IFT122: variants seen among roughly 807,000 people sequenced by gnomAD.
The protein encoded by IFT122 is intraflagellar transport 122, also known as intraflagellar transport protein 122 homolog.
IFT122 carries 118 observed loss-of-function variants against 161.6 expected under a neutral mutation model. That is an observed-to-expected ratio of 0.73 (90% CI 0.63 to 0.85). The LOEUF is 0.85. Ranked by LOEUF, IFT122 falls within the 40% of genes least tolerant of loss-of-function variation. The pLI, the probability that IFT122 is intolerant of heterozygous loss-of-function variation, is 0.00. For missense variants in IFT122, 1,381 were observed against 1,579.6 expected (o/e 0.87, Z 2.13); for synonymous variants, 550 against 602.4 (o/e 0.91, Z 1.27).
intron 3 of IFT122, chr3:129,456,138 G>T: frequency 1.5e-6 from 1 of 659,070 alleles, no homozygotes; most frequent in Non-Finnish European, 2.4e-6. Context: ...TCAGTAGCTT[G>T]TTTGGGTCAT....
At chr3:129,443,408 A>G (rs2073532199) in intron 1 of IFT122, among the ~76,000 whole-genome samples, 1 of 152,226 alleles carries the variant, frequency 6.6e-6, no homozygotes, top group Admixed American at 6.5e-5. Flanking sequence ...AGAGAGAACC[A>G]TCCTACAGTA....
intron 16 of IFT122, among the ~76,000 whole-genome samples, chr3:129,490,580 C>CA (rs1255164055): frequency 6.6e-6 from 1 of 152,226 alleles, no homozygotes; most frequent in Non-Finnish European, 1.5e-5. Flanking sequence ...AGCTGAGCTA[C>CA]AGCTAGAAAG....
chr3:129,481,748 C>G, intron 14 of IFT122, 54 bp downstream of exon 14: 2 of 1,588,990 alleles, frequency 1.3e-6, no homozygotes, highest in African/African-American at 2.7e-5. Context: ...AGACTCTCCT[C>G]TAGCTTCCCA....
chr3:129,464,937 C>A (rs922991531), intron 7 of IFT122, among the ~76,000 whole-genome samples, 156 bp downstream of exon 7: 1 of 151,808 alleles, frequency 6.6e-6, no homozygotes. Flanking sequence ...TTTTAATAGT[C>A]CCGCTACCTG....
At chr3:129,458,555 G>T (rs2075804370) in intron 3 of IFT122, 44 bp from the exon 4 acceptor site, 1 of 1,504,964 alleles carries the variant, frequency 6.6e-7, no homozygotes, top group African/African-American at 1.4e-5. Context: ...GGAAATGCTG[G>T]TTTAAGATAA....
intron 24 of IFT122, chr3:129,513,863 A>C: frequency 3.9e-6 from 1 of 256,430 alleles, no homozygotes. Flanking sequence ...CTGGCTGAGG[A>C]GCTTCAAGGG....
rs562153242 is a variant in IFT122, at chr3:129,488,130, G to A, written c.1852-127G>A. 9.3e-5 allele frequency: 141 copies of A among 1,518,538 alleles called. No individual in the cohort carries two copies. In the South Asian group the frequency reaches 1.2e-3, roughly 13 times the overall value. The allele number at this position is 1,518,538 out of a possible 1,614,324, so 94.1% of individuals were successfully genotyped here. A position where few individuals can be genotyped will look rare whatever the true frequency, so the allele number is the denominator to read the frequency against. ...CAGGCTGGGCAGGGTGCTGATTGGC[G>A]GCTGCAGGGCTGCTCCCCAGGCATG... On this transcript the variant is annotated intron_variant, in intron 15 of 29. Coordinates refer to ENST00000348417, the MANE Select transcript of IFT122 (RefSeq NM_052989.3).
chr3:129,458,575 T>G, intron 3 of IFT122, 24 bp from the exon 4 acceptor site: 1 of 1,592,418 alleles, frequency 6.3e-7, no homozygotes, highest in Non-Finnish European at 8.6e-7. Flanking sequence ...AATGTAAGAC[T>G]TTCCATTTTA....
Position 129,465,497 on chromosome 3 carries a change from G to A in IFT122, c.563+716G>A, listed in dbSNP as rs559813946. 1.7e-3 allele frequency among the ~76,000 whole-genome samples: 223 copies of A among 130,768 alleles called. 4 individuals are homozygous for A. Among genetic ancestry groups the A allele is most frequent in the African/African-American group, 6.3e-3 (205 of 32,684 alleles). 85.8% of individuals were successfully genotyped at this position (130,768 alleles called of 152,430 possible). A position where few individuals can be genotyped will look rare whatever the true frequency, so the allele number is the denominator to read the frequency against. On this transcript the variant is annotated intron_variant, in intron 7 of 29. Transcript: ENST00000348417. ...TTTTTTTTTTTTTTTTTGAGATGGA[G>A]TCTCGCTCGGTTGCCCAGCCTGGAG...
At chr3:129,453,022 C>T (rs990467713) in intron 3 of IFT122, among the ~76,000 whole-genome samples, 3 of 151,672 alleles carry the variant, frequency 2.0e-5, no homozygotes, top group Admixed American at 1.3e-4. Flanking sequence ...TTGCCCCCCC[C>T]ACTGAGATGG....
At chr3:129,470,644 C>T (rs2077274581) in intron 9 of IFT122, among the ~76,000 whole-genome samples, 1 of 151,814 alleles carries the variant, frequency 6.6e-6, no homozygotes, top group Non-Finnish European at 1.5e-5. Flanking sequence ...AATCTCGGTT[C>T]ACTGCGACCT....
chr3:129,483,185 A>G lies in IFT122; in HGVS notation c.1654-300A>G, dbSNP rs67070415. Among the ~76,000 whole-genome samples the G allele has an allele frequency of 0.13, 19,603 of 152,276 alleles. 1,596 individuals are homozygous for G. The highest frequency in any genetic ancestry group is 0.24 in the South Asian group (1,164 of 4,832). ...CATGCTGATTATAAAAGATTTAGTC[A>G]TTATAAAAGATCCTAGGCAGAAAGG... On this transcript the variant is annotated intron_variant, in intron 14 of 29. Coordinates refer to ENST00000348417, the MANE Select transcript of IFT122 (RefSeq NM_052989.3).
At chr3:129,463,872 A>G (rs926052228) in intron 6 of IFT122, among the ~76,000 whole-genome samples, 6 of 152,234 alleles carry the variant, frequency 3.9e-5, no homozygotes, top group African/African-American at 1.4e-4. Context: ...ATCCAGCTAT[A>G]CTGAGTGGAG....
At position 129,483,526 on chromosome 3, in the gene IFT122, G is replaced by T. The variant is rs373367184; in HGVS notation, c.1695G>T (p.Glu565Asp). ...GTGTAGCTTGGAACACCCAGTGTGA[G>T]GACATGCTCTGCTTCTCGGGAGGAG... ...ANSVAWNTQC[E>D]DMLCFSGGGY... is the part of the protein sequence containing the mutation. The change falls in exon 15 of 30, where the codon GAG (glutamate) becomes GAT (aspartate). Residue 565 changes from glutamate (E) to aspartate (D), a missense_variant. Physicochemically the swap from Glu to Asp is conservative, Grantham distance 45. Transcript: ENST00000348417. 29 of 1,613,964 alleles carry T rather than the reference G, an allele frequency of 1.8e-5. No homozygotes were observed. Among genetic ancestry groups the T allele is most frequent in the Non-Finnish European group, 2.5e-5 (29 of 1,180,018 alleles).
In IFT122 at chr3:129,517,563, G is replaced by A. The variant is rs759374444; in HGVS notation, c.3360G>A (p.Arg1120=). ...ACCTGGAGGTGCTGAGACCCAAGCG[G>A]GATGACAGACAGCTAGAGATTGCAA... ...LIDLEVLRPK[R]DDRQLEIANN... Residue 1120 remains arginine (R), a synonymous_variant, in exon 27 of 30, where the codon CGG becomes CGA. Coordinates refer to ENST00000348417, the MANE Select transcript of IFT122 (RefSeq NM_052989.3). 4 of 1,613,916 alleles carry A rather than the reference G, an allele frequency of 2.5e-6. No homozygotes were observed. Among genetic ancestry groups the A allele is most frequent in the Non-Finnish European group, 3.4e-6 (4 of 1,179,862 alleles).
chr3:129,485,966 C>T lies in IFT122; in HGVS notation c.1851+2284C>T, dbSNP rs963032663. On this transcript the variant is annotated intron_variant, in intron 15 of 29. Transcript: ENST00000348417. ...AGTCTTGGAATTTTTGGTTGCCTTT[C>T]GAAATTTACATTGTCTTGTGCAAGA... Among the ~76,000 whole-genome samples the T allele has an allele frequency of 5.3e-5, 8 of 152,348 alleles. No individual in the cohort carries two copies. The East Asian group carries it at 7.7e-4, about 15-fold the overall frequency.
At position 129,450,499 on chromosome 3, in the gene IFT122, C is replaced by A. The variant is rs150297599; in HGVS notation, c.108+562C>A. On this transcript the variant is annotated intron_variant, in intron 2 of 29. Transcript: ENST00000348417. Reference sequence around the variant, plus strand: ...CTCTTTCTGTCTAAGTCTACTTCCTCTTCTCTGTTGTCTCTAGATACGCAG... The same window carrying A: ...CTCTTTCTGTCTAAGTCTACTTCCTATTCTCTGTTGTCTCTAGATACGCAG... 7.7e-3 allele frequency among the ~76,000 whole-genome samples: 1,175 copies of A among 152,010 alleles called. 5 individuals carry two copies. Among genetic ancestry groups the A allele is most frequent in the Non-Finnish European group, 0.014 (979 of 67,870 alleles).
At chr3:129,457,560 C>G (rs1019523194) in intron 3 of IFT122, among the ~76,000 whole-genome samples, 3 of 152,136 alleles carry the variant, frequency 2.0e-5, no homozygotes, top group African/African-American at 4.8e-5. Context: ...TAGGTCTCCA[C>G]TGAAGGATCT....
chr3:129,509,526 C>G (rs1321243289), intron 23 of IFT122, among the ~76,000 whole-genome samples: 1 of 152,192 alleles, frequency 6.6e-6, no homozygotes, highest in East Asian at 1.9e-4. Flanking sequence ...TGCTTTATGA[C>G]CCATTTTGAA....
Sources: allele counts gnomAD v4.1 joint callset (sites outside exome capture counted in the v4.1 genomes callset), GRCh38; gene constraint gnomAD v4.1.1; transcripts MANE v1.5; gene names NCBI Gene and HGNC (gene_info 2026-07-23, HGNC 2026-07-21).